The following TTC16 variants were observed in gnomAD, a reference collection of about 807,000 sequenced individuals.
TTC16 encodes the protein tetratricopeptide repeat protein 16.
TTC16 carries 66 observed loss-of-function variants against 80.4 expected under a neutral mutation model. That is an observed-to-expected ratio of 0.82 (90% CI 0.67 to 1.01). TTC16 has a LOEUF of 1.01. Among genes scored for constraint, TTC16 ranks in the 50% least tolerant of loss-of-function variants. The probability of loss-of-function intolerance (pLI) is 0.00; values close to 1 mark genes in which losing one functional copy is unlikely to be tolerated. For synonymous variants in TTC16, 438 were observed against 451.3 expected (o/e 0.97, Z 0.37); for missense variants, 1,070 against 1,103.2 (o/e 0.97, Z 0.43).
At chr9:127,717,059 C>CA in intron 2 of TTC16, 43 bp downstream of exon 2, 2 of 1,601,114 alleles carry the variant, frequency 1.2e-6, no homozygotes, top group Non-Finnish European at 1.7e-6. Context: ...TCCTGCCCGA[C>CA]ACAGCCATTC....
Position 127,724,112 on chromosome 9 carries a change from C to CT in TTC16, c.873-8_873-7insT, listed in dbSNP as rs767523660. 203 of 1,599,404 alleles carry CT rather than the reference C, an allele frequency of 1.3e-4. No homozygotes were observed. The highest frequency in any genetic ancestry group is 1.6e-4 in the Non-Finnish European group (193 of 1,171,744). ...CCCTCCTGCCGTCTCCCACGCCCCCCCCGACAGGGGCACCATGTACCGACG... is the reference window on the plus strand; with the variant it reads ...CCCTCCTGCCGTCTCCCACGCCCCCCTCCGACAGGGGCACCATGTACCGACG... On this transcript the variant is annotated splice_polypyrimidine_tract_variant and splice_region_variant and intron_variant, in intron 7 of 13. Coordinates refer to ENST00000373289, the MANE Select transcript of TTC16 (RefSeq NM_144965.3).
chr9:127,729,358 T>C, intron 12 of TTC16: 1 of 520,996 alleles, frequency 1.9e-6, no homozygotes, highest in South Asian at 2.4e-5. Flanking sequence ...AGCAGCTCCT[T>C]CAACACAACC....
At position 127,716,264 on chromosome 9, in the gene TTC16, GCAGTCCGACT is replaced by G. The variant is rs1016930891; in HGVS notation, c.18+105_18+114del. 54 of 1,549,380 alleles carry G rather than the reference GCAGTCCGACT, an allele frequency of 3.5e-5. No homozygotes were observed. In the African/African-American group the frequency reaches 6.8e-4, roughly 19 times the overall value. The stretch of plus-strand genomic sequence containing the variant: ...GTGAAGGCCGGGAGAGGCAGGGGCA[GCAGTCCGACT>G]CAGGGAAGGCCCTGGCCGCCATGCC... On this transcript the variant is annotated intron_variant, in intron 1 of 13. Coordinates refer to ENST00000373289, the MANE Select transcript of TTC16 (RefSeq NM_144965.3).
chr9:127,717,796 T>A (rs1405428515), intron 4 of TTC16, 24 bp downstream of exon 4: 1 of 1,604,128 alleles, frequency 6.2e-7, no homozygotes, highest in Non-Finnish European at 8.5e-7. Flanking sequence ...CCCGGGCCCA[T>A]GCAGGGCACC....
At chr9:127,726,529 T>C in intron 10 of TTC16, 125 bp downstream of exon 10, 1 of 1,172,846 alleles carries the variant, frequency 8.5e-7, no homozygotes, top group South Asian at 1.8e-5. Context: ...GGGTCATGCC[T>C]GTAATCCCAG....
chr9:127,717,588 T>C, intron 3 of TTC16, 41 bp from the exon 4 acceptor site: 1 of 1,606,904 alleles, frequency 6.2e-7, no homozygotes, highest in Non-Finnish European at 8.5e-7. Context: ...CAGGGGCAGA[T>C]GGTGGGGAGG....
chr9:127,716,835 C>T lies in TTC16; in HGVS notation c.19-9C>T. Reference sequence around the variant, plus strand: ...GGGCCTGCTCCAGCTTGCTGTCCTTCGGTTCTAGGATGCCCTGAAGGTTGA... The same window carrying T: ...GGGCCTGCTCCAGCTTGCTGTCCTTTGGTTCTAGGATGCCCTGAAGGTTGA... On this transcript the variant is annotated splice_polypyrimidine_tract_variant and intron_variant, in intron 1 of 13. Transcript: ENST00000373289. 6 of 1,598,958 alleles carry T rather than the reference C, an allele frequency of 3.8e-6. No homozygotes were observed. The highest frequency in any genetic ancestry group is 2.2e-5 in the South Asian group (2 of 90,748).
rs756759531 is a variant in TTC16, at chr9:127,726,444, A to C, written c.1425+40A>C. 3.3e-6 allele frequency: 5 copies of C among 1,510,828 alleles called. No individual in the cohort carries two copies. In the East Asian group the frequency reaches 1.2e-4, roughly 36 times the overall value. The allele number at this position is 1,510,828 out of a possible 1,614,324, so 93.6% of individuals were successfully genotyped here. A position where few individuals can be genotyped will look rare whatever the true frequency, so the allele number is the denominator to read the frequency against. On this transcript the variant is annotated intron_variant, in intron 10 of 13. Transcript: ENST00000373289. ...CGTCAGGAGTGTAGGCTCCGGAGTC[A>C]TGCCCGGTGCATAAAGATACTCCTC...
chr9:127,729,490 C>A, intron 12 of TTC16, 91 bp from the exon 13 acceptor site: 1 of 1,058,102 alleles, frequency 9.5e-7, no homozygotes, highest in Non-Finnish European at 1.4e-6. Flanking sequence ...AGGAGAATGA[C>A]CACCGAGGGG....
At position 127,716,915 on chromosome 9, in the gene TTC16, G is replaced by C. The variant is rs1396275836; in HGVS notation, c.90G>C (p.Gly30=). The C allele has an allele frequency of 6.2e-7, 1 of 1,614,046 alleles. No individual in the cohort carries two copies. The highest frequency in any genetic ancestry group is 8.5e-7 in the Non-Finnish European group (1 of 1,179,988). The part of the protein sequence containing the change: ...PKPWVIPAPK[G]ILQHIFGTSH... ...CATGGGTGATTCCAGCCCCCAAAGG[G>C]ATCCTGCAGCACATCTTTGGGACCA... The change falls in exon 2 of 14, where the codon GGG becomes GGC. Residue 30 remains glycine (G), a synonymous_variant. Coordinates refer to ENST00000373289, the MANE Select transcript of TTC16 (RefSeq NM_144965.3).
At chr9:127,717,037 G>A (rs1208018883) in intron 2 of TTC16, 21 bp downstream of exon 2, 5 of 1,607,716 alleles carry the variant, frequency 3.1e-6, no homozygotes, top group Non-Finnish European at 4.3e-6. Context: ...ACCTTGCTTT[G>A]GGGTCCCAGG....
Position 127,731,388 on chromosome 9 carries a change from T to C in TTC16, c.2605T>C (p.Tyr869His). ...AACTGAGGTTGATCAGGACCTCACCTACTATGAAGCTGTCTGAAGGGACCA... is the reference window on the plus strand; with the variant it reads ...AACTGAGGTTGATCAGGACCTCACCCACTATGAAGCTGTCTGAAGGGACCA... The part of the protein sequence containing the change: ...SKTEVDQDLT[Y>H]YEAV The change falls in exon 14 of 14, where the codon TAC becomes CAC. Residue 869 changes from tyrosine (Y) to histidine (H), a missense_variant. Tyr to His is a moderately conservative substitution (Grantham distance 83). Transcript: ENST00000373289. 6.2e-7 allele frequency: 1 copy of C among 1,612,366 alleles called. No homozygotes were observed.
chr9:127,716,240 T>A lies in TTC16; in HGVS notation c.18+77T>A, dbSNP rs553322633. Reference sequence around the variant, plus strand: ...CCGAGGCTGGGTTCGCAGGAAAGGGTGAAGGCCGGGAGAGGCAGGGGCAGC... The same window carrying A: ...CCGAGGCTGGGTTCGCAGGAAAGGGAGAAGGCCGGGAGAGGCAGGGGCAGC... On this transcript the variant is annotated intron_variant, in intron 1 of 13. Coordinates refer to ENST00000373289, the MANE Select transcript of TTC16 (RefSeq NM_144965.3). 1.8e-5 allele frequency: 29 copies of A among 1,605,264 alleles called. No homozygotes were observed. The Admixed American group carries it at 3.2e-4, about 18-fold the overall frequency.
chr9:127,727,804 G>A (rs539526261), intron 12 of TTC16: 1 of 194,400 alleles, frequency 5.1e-6, no homozygotes, highest in African/African-American at 2.3e-5. Context: ...TGTCAACCTA[G>A]GCTGGAGTAC....
intron 1 of TTC16, 34 bp from the exon 2 acceptor site, chr9:127,716,810 G>A: frequency 6.3e-7 from 1 of 1,584,262 alleles, no homozygotes; most frequent in Non-Finnish European, 8.6e-7. Context: ...GTCGTCTCGG[G>A]GGCCTGCTCC....
chr9:127,719,081 C>T (rs958777120), intron 4 of TTC16, among the ~76,000 whole-genome samples: 6 of 151,674 alleles, frequency 4.0e-5, no homozygotes, highest in Admixed American at 3.3e-4. Flanking sequence ...CATGGTGGCA[C>T]GTGCCTGTAA....
At chr9:127,719,561 C>T (rs111733546) in intron 4 of TTC16, among the ~76,000 whole-genome samples, 1 of 152,150 alleles carries the variant, frequency 6.6e-6, no homozygotes, top group African/African-American at 2.4e-5. Context: ...GGCACGATCT[C>T]GGCTCACTGT....
At chr9:127,730,412 G>T in intron 13 of TTC16, 1 of 621,430 alleles carries the variant, frequency 1.6e-6, no homozygotes, top group South Asian at 2.1e-5. Flanking sequence ...CAGAGGCCTG[G>T]GACTGGGAGA....
chr9:127,729,757 T>A, intron 13 of TTC16, 89 bp downstream of exon 13: 1 of 1,289,246 alleles, frequency 7.8e-7, no homozygotes, highest in Non-Finnish European at 1.1e-6. Context: ...GGCCTAGGTG[T>A]GCGTTCGGCC....
Sources: gnomAD v4.1 joint callset for allele counts (sites outside exome capture counted in the v4.1 genomes callset) on GRCh38, gnomAD v4.1.1 for gene constraint, MANE v1.5 for transcripts, NCBI Gene and HGNC (gene_info 2026-07-23, HGNC 2026-07-21) for gene names.